Variants in GUCY2C observed in about 807,000 individuals in gnomAD.
GUCY2C encodes guanylyl cyclase C.
GUCY2C carries 118 observed loss-of-function variants against 131.1 expected under a neutral mutation model. The observed-to-expected ratio is 0.90, with a 90% confidence interval of 0.78 to 1.05. The LOEUF (loss-of-function observed/expected upper bound fraction) is 1.05, where lower values mean the gene tolerates loss of function less well. Among genes scored for constraint, GUCY2C ranks in the 50% least tolerant of loss-of-function variants. GUCY2C has a pLI of 0.00. For synonymous variants in GUCY2C, 452 were observed against 457.8 expected (o/e 0.99, Z 0.16); for missense variants, 1,161 against 1,304.4 (o/e 0.89, Z 1.69).
intron 3 of GUCY2C, 90 bp from the exon 4 acceptor site, chr12:14,683,347 T>G (rs1948390068): frequency 1.3e-6 from 1 of 768,102 alleles, no homozygotes; most frequent in African/African-American, 1.7e-5. Context: ...TCAGCATGTA[T>G]GTATAAATGG....
At chr12:14,634,118 A>G (rs1457385698) in intron 19 of GUCY2C, among the ~76,000 whole-genome samples, 1 of 152,214 alleles carries the variant, frequency 6.6e-6, no homozygotes, top group Non-Finnish European at 1.5e-5. Context: ...TAAAGAGAAA[A>G]TTCTAAAAAT....
Position 14,681,344 on chromosome 12 carries a change from A to G in GUCY2C, c.733+12T>C, listed in dbSNP as rs1431519502. ...AAGTTAGCAAAAAACAATTATCTTCATGTCTTCTTACCATTGCTTTTCCTG... is the reference window on the plus strand; with the variant it reads ...AAGTTAGCAAAAAACAATTATCTTCGTGTCTTCTTACCATTGCTTTTCCTG... On this transcript the variant is annotated intron_variant, in intron 5 of 26. Coordinates refer to ENST00000261170, the MANE Select transcript of GUCY2C (RefSeq NM_004963.4). 1.9e-6 allele frequency: 3 copies of G among 1,611,238 alleles called. No homozygotes were observed. The highest frequency in any genetic ancestry group is 1.7e-5 in the Admixed American group (1 of 59,746).
chr12:14,686,613 G>A (rs1948475597), intron 2 of GUCY2C, among the ~76,000 whole-genome samples: 1 of 152,138 alleles, frequency 6.6e-6, no homozygotes, highest in Non-Finnish European at 1.5e-5. Flanking sequence ...CAGTTGTAGA[G>A]AGAACTATAA....
rs11056094 is a variant in GUCY2C, at chr12:14,677,131, T to C, written c.831-160A>G. On this transcript the variant is annotated intron_variant, in intron 6 of 26. Transcript: ENST00000261170. Reference sequence around the variant, plus strand: ...ACTTTCCCCAGATAGAATTGTTTTCTTCTGTGCTTGTTAGGTTAAATAAGA... The same window carrying C: ...ACTTTCCCCAGATAGAATTGTTTTCCTCTGTGCTTGTTAGGTTAAATAAGA... Among the ~76,000 whole-genome samples the C allele has an allele frequency of 9.8e-4, 150 of 152,382 alleles. 2 individuals carry two copies. The East Asian group carries it at 0.015, about 15-fold the overall frequency.
At chr12:14,675,581 C>G (rs914372944) in intron 7 of GUCY2C, among the ~76,000 whole-genome samples, 6 of 152,152 alleles carry the variant, frequency 3.9e-5, no homozygotes, top group Non-Finnish European at 8.8e-5. Context: ...ACTGAAATTG[C>G]TTTGAATAGA....
At position 14,622,028 on chromosome 12, in the gene GUCY2C, C is replaced by T. The variant is rs1257203228; in HGVS notation, c.2578G>A (p.Val860Ile). 4 of 1,605,212 alleles carry T rather than the reference C, an allele frequency of 2.5e-6. No homozygotes were observed. The South Asian group carries it at 3.4e-5, about 14-fold the overall frequency. The change falls in exon 22 of 27, where the codon GTT becomes ATT. Residue 860 changes from valine to isoleucine, a missense_variant. Val to Ile is a conservative substitution (Grantham distance 29). Coordinates refer to ENST00000261170, the MANE Select transcript of GUCY2C (RefSeq NM_004963.4). ...ACCTTGTAGACATCATGATGATCAA[C>T]AATGTGGTCAAAACTCTTATAGATG... The part of the protein sequence containing the change: ...NDIYKSFDHI[V>I]DHHDVYKVET...
At chr12:14,693,493 C>A (rs1177827281) in intron 1 of GUCY2C, among the ~76,000 whole-genome samples, 1 of 152,164 alleles carries the variant, frequency 6.6e-6, no homozygotes, top group East Asian at 1.9e-4. Context: ...TGATCATTTC[C>A]CTTTGAACAT....
chr12:14,696,494 G>A lies in GUCY2C; in HGVS notation c.-46C>T, dbSNP rs1379702426. The A allele has an allele frequency of 7.0e-7, 1 of 1,432,450 alleles. No homozygotes were observed. The highest frequency in any genetic ancestry group is 1.2e-5 in the South Asian group (1 of 86,376). 88.7% of individuals were successfully genotyped at this position (1,432,450 alleles called of 1,614,324 possible). ...CATACTCCTTGTGCCCACTTGCTTT[G>A]CTCTGTTGGGCTCCTAGGGAGGCAG... On this transcript the variant is annotated 5_prime_UTR_variant, in exon 1 of 27. Coordinates refer to ENST00000261170, the MANE Select transcript of GUCY2C (RefSeq NM_004963.4).
In GUCY2C at chr12:14,652,038, A is replaced by C; in HGVS notation, c.1534-8T>G. The C allele has an allele frequency of 6.4e-7, 1 of 1,557,264 alleles. No individual in the cohort carries two copies. The highest frequency in any genetic ancestry group is 8.9e-7 in the Non-Finnish European group (1 of 1,129,068). The stretch of plus-strand genomic sequence containing the variant: ...ATCTTTGAGAATCACTCGCTGCAAA[A>C]ATCAATGAAATTTAGGAGACAGTGT... On this transcript the variant is annotated splice_polypyrimidine_tract_variant and splice_region_variant and intron_variant, in intron 13 of 26. Coordinates refer to ENST00000261170, the MANE Select transcript of GUCY2C (RefSeq NM_004963.4).
chr12:14,693,804 A>C (rs964897773), intron 1 of GUCY2C, among the ~76,000 whole-genome samples: 1 of 152,240 alleles, frequency 6.6e-6, no homozygotes, highest in Non-Finnish European at 1.5e-5. Flanking sequence ...AAACTCGGAG[A>C]TGATAAATAA....
chr12:14,648,360 C>T (rs1417957367), intron 15 of GUCY2C, among the ~76,000 whole-genome samples: 2 of 152,024 alleles, frequency 1.3e-5, no homozygotes, highest in Admixed American at 1.3e-4. Flanking sequence ...ACACATACAG[C>T]CAGAAAAGGC....
chr12:14,622,921 T>A (rs980469476), intron 21 of GUCY2C, among the ~76,000 whole-genome samples: 2 of 152,176 alleles, frequency 1.3e-5, no homozygotes, highest in Non-Finnish European at 2.9e-5. Flanking sequence ...AGGGACTCCA[T>A]ACTTGGTGTG....
At position 14,681,427 on chromosome 12, in the gene GUCY2C, C is replaced by T. The variant is rs1948345884; in HGVS notation, c.662G>A (p.Gly221Asp). ...ASVSYFSHEL[G>D]FKVVLRQDKE... Reference sequence around the variant, plus strand: ...ATCTTGTCTTAACACCACCTTAAAGCCGAGTTCGTGGGAGAAATAGGAAAC... The same window carrying T: ...ATCTTGTCTTAACACCACCTTAAAGTCGAGTTCGTGGGAGAAATAGGAAAC... The change falls in exon 5 of 27, where the codon GGC becomes GAC. Residue 221 changes from glycine (G) to aspartate (D), a missense_variant. Transcript: ENST00000261170. 1 of 1,612,284 alleles carries T rather than the reference C, an allele frequency of 6.2e-7. No individual in the cohort carries two copies. The highest frequency in any genetic ancestry group is 1.3e-5 in the African/African-American group (1 of 74,956).
chr12:14,674,307 C>A, intron 8 of GUCY2C: 2 of 360,014 alleles, frequency 5.6e-6, no homozygotes, highest in Non-Finnish European at 1.1e-5. Context: ...AAATGTTTAT[C>A]CTCTTGTTAG....
chr12:14,696,385 AG>A lies in GUCY2C; in HGVS notation c.63del (p.Phe22LeufsTer5). On this transcript the variant is annotated frameshift_variant, in exon 1 of 27. Transcript: ENST00000261170. LOFTEE classifies it high-confidence loss of function. ...WSLLFQPGWLSFSSQVSQNCH... is the reference protein window; with the variant it reads ...WSLLFQPGWLXFSSQVSQNCH... Reference sequence around the variant, plus strand: ...CAGTTCTGACTCACCTGGGAACTAAAGGACAGCCACCCGGGCTGGAAGAGCA... The same window carrying A: ...CAGTTCTGACTCACCTGGGAACTAAAGACAGCCACCCGGGCTGGAAGAGCA... The A allele has an allele frequency of 6.2e-7, 1 of 1,614,166 alleles. No homozygotes were observed. Among genetic ancestry groups the A allele is most frequent in the Non-Finnish European group, 8.5e-7 (1 of 1,180,016 alleles).
At chr12:14,636,834 A>G (rs1289569859) in intron 19 of GUCY2C, among the ~76,000 whole-genome samples, 2 of 152,144 alleles carry the variant, frequency 1.3e-5, no homozygotes, top group African/African-American at 4.8e-5. Flanking sequence ...CACACCTGTA[A>G]TCCTAGCACT....
At chr12:14,656,292 C>T (rs900999768) in intron 12 of GUCY2C, among the ~76,000 whole-genome samples, 3 of 152,118 alleles carry the variant, frequency 2.0e-5, no homozygotes, top group Non-Finnish European at 4.4e-5. Context: ...GAGAACACAC[C>T]ATATCTCAGC....
At chr12:14,678,178 A>G (rs1283175055) in intron 6 of GUCY2C, among the ~76,000 whole-genome samples, 1 of 152,228 alleles carries the variant, frequency 6.6e-6, no homozygotes, top group African/African-American at 2.4e-5. Context: ...TACTCCTATT[A>G]TCACATTAAT....
Position 14,621,032 on chromosome 12 carries a change from A to C in GUCY2C, c.2776+10T>G. The C allele has an allele frequency of 6.2e-7, 1 of 1,611,810 alleles. No homozygotes were observed. Among genetic ancestry groups the C allele is most frequent in the South Asian group, 1.1e-5 (1 of 91,030 alleles). ...TGGTTCCCAATTTGCTAAGATGCTC[A>C]ACTCCATACCAGAGTGAACTCCAAT... is the stretch of plus-strand genomic sequence containing the variant. On this transcript the variant is annotated intron_variant, in intron 23 of 26. Coordinates refer to ENST00000261170, the MANE Select transcript of GUCY2C (RefSeq NM_004963.4).
Sources: allele counts gnomAD v4.1 joint callset (sites outside exome capture counted in the v4.1 genomes callset), GRCh38; gene constraint gnomAD v4.1.1; transcripts MANE v1.5; gene names NCBI Gene and HGNC (gene_info 2026-07-23, HGNC 2026-07-21).